CMSS1: variants seen among roughly 807,000 people sequenced by gnomAD.
The protein encoded by CMSS1 is protein CMSS1.
A neutral mutation model predicts 43.5 loss-of-function variants in CMSS1; 33 were observed. That is an observed-to-expected ratio of 0.76 (90% CI 0.57 to 1.01). CMSS1 has a LOEUF of 1.01. CMSS1 is among the 50% of genes least tolerant of loss of function. The pLI is 0.00. For synonymous variants in CMSS1, 115 were observed against 117.2 expected, an observed-to-expected ratio of 0.98 and a Z score of 0.12; for missense variants, 313 against 326.4, an observed-to-expected ratio of 0.96 and a Z score of 0.32.
At chr3:100,025,150 A>G (rs1314221001) in intron 1 of CMSS1, among the ~76,000 whole-genome samples, 1 of 152,166 alleles carries the variant, frequency 6.6e-6, no homozygotes, top group Non-Finnish European at 1.5e-5. Flanking sequence ...CAATGACCAT[A>G]CTTAGCTAAA....
At chr3:99,973,593 G>A (rs1241336317) in intron 1 of CMSS1, among the ~76,000 whole-genome samples, 1 of 152,044 alleles carries the variant, frequency 6.6e-6, no homozygotes, top group African/African-American at 2.4e-5. Context: ...CCTCCCTTCA[G>A]ATCTTATAGA....
intron 1 of CMSS1, among the ~76,000 whole-genome samples, chr3:100,091,569 T>C (rs2066110717): frequency 6.6e-6 from 1 of 152,222 alleles, no homozygotes; most frequent in Non-Finnish European, 1.5e-5. Context: ...TCACCAAAAG[T>C]GTAGCCATGT....
chr3:99,927,552 A>G (rs1707333866), intron 1 of CMSS1, among the ~76,000 whole-genome samples: 1 of 152,200 alleles, frequency 6.6e-6, no homozygotes, highest in African/African-American at 2.4e-5. Flanking sequence ...TATTTTTAGT[A>G]GAAACGGGCT....
chr3:99,972,408 C>G (rs1708849202), intron 1 of CMSS1, among the ~76,000 whole-genome samples: 1 of 152,210 alleles, frequency 6.6e-6, no homozygotes. Flanking sequence ...TGAGAAGCCT[C>G]TGTCTTGCAG....
chr3:99,940,094 T>A (rs1043013643), intron 1 of CMSS1, among the ~76,000 whole-genome samples: 2 of 152,190 alleles, frequency 1.3e-5, no homozygotes, highest in African/African-American at 4.8e-5. Context: ...CAAAAAGAAA[T>A]ATAAAAATCT....
At chr3:99,987,787 A>G (rs1709389252) in intron 1 of CMSS1, among the ~76,000 whole-genome samples, 1 of 152,206 alleles carries the variant, frequency 6.6e-6, no homozygotes, top group Non-Finnish European at 1.5e-5. Context: ...CATATGTCCA[A>G]TGAGCAAGTC....
rs932189098 is a variant in CMSS1 at position 99,929,923 on chromosome 3, T to A, written c.64+111880T>A. On this transcript the variant is annotated intron_variant, in intron 1 of 9. Coordinates refer to ENST00000421999, the MANE Select transcript of CMSS1 (RefSeq NM_032359.4). ...AGATTTCGCTTGAAAAGCATCTCTC[T>A]GGAGAGCCTCTAACACCTTTTTTGG... The A allele has an allele frequency of 3.1e-6, 5 of 1,613,818 alleles. No individual in the cohort carries two copies. The highest frequency in any genetic ancestry group is 4.2e-6 in the Non-Finnish European group (5 of 1,179,956).
intron 1 of CMSS1, among the ~76,000 whole-genome samples, chr3:99,950,162 T>C (rs1287616461): frequency 1.3e-5 from 2 of 152,208 alleles, no homozygotes; most frequent in African/African-American, 4.8e-5. Flanking sequence ...ACTGTAACTG[T>C]AGATAGGACT....
intron 1 of CMSS1, among the ~76,000 whole-genome samples, chr3:100,038,300 G>A (rs1415831433): frequency 6.6e-6 from 1 of 151,986 alleles, no homozygotes; most frequent in African/African-American, 2.4e-5. Flanking sequence ...GAAATAATAA[G>A]AAAAGTAATG....
Position 100,115,068 on chromosome 3 carries a change from G to A in CMSS1, c.65-31905G>A, listed in dbSNP as rs911176301. 7.4e-6 allele frequency: 8 copies of A among 1,074,088 alleles called. No individual in the cohort carries two copies. The East Asian group carries it at 1.3e-4, about 17-fold the overall frequency. The allele number at this position is 1,074,088 out of a possible 1,614,324, so 66.5% of individuals were successfully genotyped here. A position where few individuals can be genotyped will look rare whatever the true frequency, so the allele number is the denominator to read the frequency against. On this transcript the variant is annotated intron_variant, in intron 1 of 9. Coordinates refer to ENST00000421999, the MANE Select transcript of CMSS1 (RefSeq NM_032359.4). ...AGTGTTAAGAAAACCTTCATACTTA[G>A]GATTGCTAAAATTTGAAGCATCTAA... is the stretch of plus-strand genomic sequence containing the variant.
chr3:100,174,538 T>G (rs2067133975), intron 8 of CMSS1, among the ~76,000 whole-genome samples: 1 of 152,208 alleles, frequency 6.6e-6, no homozygotes, highest in Non-Finnish European at 1.5e-5. Context: ...TAAAAAAATA[T>G]TAATGAAAAT....
At chr3:100,044,502 A>G (rs1366392689) in intron 1 of CMSS1, among the ~76,000 whole-genome samples, 1 of 152,190 alleles carries the variant, frequency 6.6e-6, no homozygotes, top group African/African-American at 2.4e-5. Flanking sequence ...GCTTGCTCCA[A>G]GAACCCAAGT....
intron 1 of CMSS1, among the ~76,000 whole-genome samples, chr3:99,897,240 T>A (rs1278140414): frequency 6.6e-6 from 1 of 152,012 alleles, no homozygotes; most frequent in Non-Finnish European, 1.5e-5. Flanking sequence ...ACACCTGTAA[T>A]CCCAGCTACT....
intron 1 of CMSS1, among the ~76,000 whole-genome samples, chr3:100,065,501 C>T (rs2065648699): frequency 6.6e-6 from 1 of 152,194 alleles, no homozygotes; most frequent in Non-Finnish European, 1.5e-5. Flanking sequence ...CTACCCGTGG[C>T]TGCCTCATCC....
intron 1 of CMSS1, among the ~76,000 whole-genome samples, chr3:99,857,815 A>G (rs937241210): frequency 6.6e-6 from 1 of 152,130 alleles, no homozygotes; most frequent in African/African-American, 2.4e-5. Flanking sequence ...AAGGAAACCT[A>G]TTTTTCACTA....
At chr3:99,885,640 T>C (rs1705868409) in intron 1 of CMSS1, among the ~76,000 whole-genome samples, 1 of 152,228 alleles carries the variant, frequency 6.6e-6, no homozygotes, top group African/African-American at 2.4e-5. Context: ...GGTGGCTGAC[T>C]GACTTTTAGT....
At chr3:100,080,509 T>C (rs1031609081) in intron 1 of CMSS1, among the ~76,000 whole-genome samples, 4 of 152,172 alleles carry the variant, frequency 2.6e-5, no homozygotes, top group African/African-American at 9.7e-5. Flanking sequence ...CTGAATTTAG[T>C]ACCTGGGGCA....
intron 1 of CMSS1, among the ~76,000 whole-genome samples, chr3:99,995,958 G>A (rs1709666582): frequency 6.6e-6 from 1 of 152,178 alleles, no homozygotes; most frequent in Non-Finnish European, 1.5e-5. Flanking sequence ...GACATGCCCT[G>A]GAGACATTTT....
At chr3:99,858,564 A>G (rs1370801407) in intron 1 of CMSS1, among the ~76,000 whole-genome samples, 3 of 152,228 alleles carry the variant, frequency 2.0e-5, no homozygotes, top group Admixed American at 6.5e-5. Context: ...TACTTTTACA[A>G]AATTATTTAG....
Sources: allele counts gnomAD v4.1 joint callset (sites outside exome capture counted in the v4.1 genomes callset), GRCh38; gene constraint gnomAD v4.1.1; transcripts MANE v1.5; gene names NCBI Gene and HGNC (gene_info 2026-07-23, HGNC 2026-07-21).